Variants in TTC34 observed in about 807,000 individuals in gnomAD.
TTC34 encodes the protein tetratricopeptide repeat domain 34.
A neutral mutation model predicts 40.7 loss-of-function variants in TTC34; 44 were observed. The ratio of observed to expected loss-of-function variants is 1.08; its 90% CI spans 0.85 to 1.39. The LOEUF (loss-of-function observed/expected upper bound fraction) is 1.39, where lower values mean the gene tolerates loss of function less well. Ranked by LOEUF, TTC34 falls within the 40% of genes most tolerant of loss-of-function variation. TTC34 has a pLI of 0.00. For missense variants in TTC34, 884 were observed against 838.0 expected (o/e 1.05, Z -0.68); for synonymous variants, 422 against 398.6 (o/e 1.06, Z -0.70).
chr1:2,756,612 G>C (rs1641513786), intron 6 of TTC34, among the ~76,000 whole-genome samples: 1,422 of 135,810 alleles, frequency 0.01, no homozygotes, highest in African/African-American at 0.015. Flanking sequence ...TGACAGCCTG[G>C]AACAGCACCC....
At chr1:2,792,103 A>G (rs1643670029) in intron 2 of TTC34, among the ~76,000 whole-genome samples, 1 of 132,426 alleles carries the variant, frequency 7.6e-6, no homozygotes, top group African/African-American at 2.9e-5. Flanking sequence ...TGTAACCTTG[A>G]CCTCCTGGGC....
chr1:2,753,619 C>G (rs1472513218), intron 6 of TTC34, among the ~76,000 whole-genome samples: 93 of 108,440 alleles, frequency 8.6e-4, no homozygotes, highest in African/African-American at 4.6e-3. Flanking sequence ...ACCCCACACC[C>G]ACAGGTGAGC....
At chr1:2,800,522 G>A (rs921197930) in exon 2 of TTC34, 6 of 398,494 alleles carry the variant, frequency 1.5e-5, no homozygotes, top group South Asian at 1.3e-4. Flanking sequence ...GGATGGCGGC[G>A]GGGTGGTCCG....
intron 6 of TTC34, among the ~76,000 whole-genome samples, chr1:2,694,927 T>C: frequency 8.4e-6 from 1 of 118,714 alleles, no homozygotes; most frequent in East Asian, 2.8e-4. Flanking sequence ...CGCGAGCACC[T>C]GACATCCTTG....
exon 9 of TTC34, chr1:2,641,867 A>C: frequency 6.7e-7 from 1 of 1,498,472 alleles, no homozygotes; most frequent in Non-Finnish European, 8.9e-7. Flanking sequence ...CCCTGCGTCC[A>C]GGAGGGTGCC....
At chr1:2,786,219 C>T (rs568667488) in intron 4 of TTC34, among the ~76,000 whole-genome samples, 196 bp from the exon 5 acceptor site, 2 of 152,326 alleles carry the variant, frequency 1.3e-5, no homozygotes, top group African/African-American at 4.8e-5. Context: ...TCACCCCACC[C>T]TCTCTGTGCC....
intron 6 of TTC34, among the ~76,000 whole-genome samples, chr1:2,683,793 C>T (rs376056392): frequency 9.7e-4 from 117 of 120,024 alleles, no homozygotes; most frequent in Non-Finnish European, 1.2e-3. Flanking sequence ...AGCACGCACA[C>T]CCCCAGTTGA....
intron 6 of TTC34, among the ~76,000 whole-genome samples, chr1:2,688,210 C>A (rs542886740): frequency 3.1e-4 from 45 of 143,600 alleles, no homozygotes; most frequent in Admixed American, 2.4e-3. Context: ...ACCCCACACC[C>A]CCAGGGGAGC....
intron 6 of TTC34, among the ~76,000 whole-genome samples, chr1:2,649,580 G>A (rs1326619450): frequency 7.2e-5 from 11 of 151,876 alleles, no homozygotes; most frequent in African/African-American, 2.2e-4. Flanking sequence ...TCTCTCTGTC[G>A]CCCAGGCTAC....
At chr1:2,787,677 G>A (rs1166205956) in exon 4 of TTC34, 4 of 1,547,858 alleles carry the variant, frequency 2.6e-6, no homozygotes, top group Non-Finnish European at 2.6e-6. Context: ...CATCAGCAGT[G>A]TGGCCAGCTG....
At chr1:2,694,932 T>G (rs529097421) in intron 6 of TTC34, among the ~76,000 whole-genome samples, 4 of 39,738 alleles carry the variant, frequency 1.0e-4, no homozygotes, top group East Asian at 6.1e-4. Context: ...GCACCTGACA[T>G]CCTTGAGCAG....
intron 6 of TTC34, among the ~76,000 whole-genome samples, chr1:2,771,479 C>A (rs1642125423): frequency 1.2e-5 from 1 of 81,638 alleles, no homozygotes. Flanking sequence ...GAACAGCATC[C>A]ACACCCCCAG....
At chr1:2,685,322 CAAG>C in intron 6 of TTC34, among the ~76,000 whole-genome samples, 1 of 128,688 alleles carries the variant, frequency 7.8e-6, no homozygotes, top group African/African-American at 3.4e-5. Context: ...CACACACCCA[CAAG>C]CGAGCATCTG....
intron 6 of TTC34, among the ~76,000 whole-genome samples, chr1:2,752,832 A>G (rs1641369019): frequency 1.4e-5 from 2 of 148,108 alleles, no homozygotes; most frequent in African/African-American, 5.1e-5. Context: ...TGCGCACCTG[A>G]CAGACTGGAA....
intron 5 of TTC34, among the ~76,000 whole-genome samples, chr1:2,784,289 A>C (rs151147244): frequency 0.019 from 2,938 of 152,276 alleles, 116 homozygotes; most frequent in Admixed American, 0.089. Context: ...AACTTATAAG[A>C]TCAAAGCCTT....
At chr1:2,798,539 T>A (rs1382799265) in intron 2 of TTC34, among the ~76,000 whole-genome samples, 5 of 31,144 alleles carry the variant, frequency 1.6e-4, no homozygotes, top group African/African-American at 3.9e-4. Context: ...CTCAGCCTCT[T>A]AGCCCCTCAG....
intron 6 of TTC34, among the ~76,000 whole-genome samples, chr1:2,647,285 C>T (rs751344517): frequency 6.6e-6 from 1 of 152,022 alleles, no homozygotes; most frequent in Non-Finnish European, 1.5e-5. Context: ...CTGAAATTGT[C>T]CCACCGGTCA....
rs1641571314 is a variant in TTC34, at chr1:2,758,245, G to C, written c.2226+25364C>G. 2.1e-5 allele frequency among the ~76,000 whole-genome samples: 3 copies of C among 143,080 alleles called. No individual in the cohort carries two copies. The South Asian group carries it at 7.1e-4, about 34-fold the overall frequency. 93.9% of individuals were successfully genotyped at this position (143,080 alleles called of 152,430 possible). ...GAACAGCACACACACCCCCAGGCGA[G>C]CATCTGACACCCTGGAACAGCACAC... is the stretch of plus-strand genomic sequence containing the variant. On this transcript the variant is annotated intron_variant, in intron 6 of 8. Coordinates refer to ENST00000401095, the Ensembl canonical transcript of TTC34.
At chr1:2,677,629 C>G (rs1425588145) in intron 6 of TTC34, among the ~76,000 whole-genome samples, 8 of 143,636 alleles carry the variant, frequency 5.6e-5, no homozygotes, top group Non-Finnish European at 1.1e-4. Flanking sequence ...GAGCATCTGA[C>G]AGCCTGGAAC....
Sources: allele counts gnomAD v4.1 joint callset (sites outside exome capture counted in the v4.1 genomes callset), GRCh38; gene constraint gnomAD v4.1.1; transcripts MANE v1.5; gene names NCBI Gene and HGNC (gene_info 2026-07-23, HGNC 2026-07-21).